The following RPSA2 variants were observed in gnomAD, a reference collection of about 807,000 sequenced individuals.
The protein encoded by RPSA2 is small ribosomal subunit protein uS2B.
At chr19:23,760,706 C>T in the RPSA2 span, among the ~76,000 whole-genome samples, 2 of 148,280 alleles carry the variant, frequency 1.3e-5, no homozygotes, top group East Asian at 3.9e-4. Context: ...GCTGTGTTGC[C>T]CAGGCTGGAG....
At chr19:23,844,407 G>C in the RPSA2 span, among the ~76,000 whole-genome samples, 148,889 of 152,218 alleles carry the variant, frequency 0.98, 72,910 homozygotes, top group Middle Eastern at 1. Flanking sequence ...ATACCCAATG[G>C]TGAAATTTCT....
the RPSA2 span, among the ~76,000 whole-genome samples, chr19:23,843,714 A>G: frequency 1.3e-5 from 2 of 152,084 alleles, no homozygotes; most frequent in Non-Finnish European, 2.9e-5. Flanking sequence ...CATCAATGAC[A>G]TGTTACTTGT....
the RPSA2 span, among the ~76,000 whole-genome samples, chr19:23,760,664 TA>T: frequency 0.058 from 4,709 of 81,864 alleles, 102 homozygotes; most frequent in Middle Eastern, 0.13. Context: ...TATATATATA[TA>T]TATATTTTTT....
the RPSA2 span, chr19:23,832,730 A>G: frequency 6.5e-7 from 1 of 1,543,994 alleles, no homozygotes; most frequent in Non-Finnish European, 8.8e-7. Flanking sequence ...AAATGTGAAG[A>G]ATATGAAAAA....
the RPSA2 span, among the ~76,000 whole-genome samples, chr19:23,812,339 G>A: frequency 7.0e-6 from 1 of 143,600 alleles, no homozygotes; most frequent in East Asian, 2.1e-4. Flanking sequence ...CCCAATTTTT[G>A]TTGTAGCTTA....
At chr19:23,766,179 G>T in the RPSA2 span, among the ~76,000 whole-genome samples, 5 of 104,110 alleles carry the variant, frequency 4.8e-5, no homozygotes, top group East Asian at 3.0e-4. Flanking sequence ...TTGAGATGGA[G>T]TCTCACTCTC....
chr19:23,859,932 C>A, the RPSA2 span, among the ~76,000 whole-genome samples: 7 of 152,164 alleles, frequency 4.6e-5, no homozygotes, highest in Non-Finnish European at 1.0e-4. Context: ...AAATATCTAA[C>A]TTTTCCATTA....
At chr19:23,810,332 T>G in the RPSA2 span, among the ~76,000 whole-genome samples, 1 of 136,574 alleles carries the variant, frequency 7.3e-6, no homozygotes, top group Non-Finnish European at 1.5e-5. Context: ...AGGCAGAGCT[T>G]GCAGTGAACC....
chr19:23,825,866 G>A, the RPSA2 span, among the ~76,000 whole-genome samples: 1 of 152,058 alleles, frequency 6.6e-6, no homozygotes, highest in Admixed American at 6.5e-5. Context: ...TGAGATTACA[G>A]GTGTGAGCCA....
chr19:23,760,450 G>A, the RPSA2 span, among the ~76,000 whole-genome samples: 2 of 151,974 alleles, frequency 1.3e-5, no homozygotes, highest in Non-Finnish European at 2.9e-5. Flanking sequence ...GAACGATGAT[G>A]TTGACCTCCT....
the RPSA2 span, among the ~76,000 whole-genome samples, chr19:23,853,066 C>T: frequency 6.6e-6 from 1 of 152,208 alleles, no homozygotes; most frequent in Non-Finnish European, 1.5e-5. Flanking sequence ...GTGAAAGCAT[C>T]TGTCCAATAT....
At chr19:23,869,117 C>A in the RPSA2 span, among the ~76,000 whole-genome samples, 3 of 152,196 alleles carry the variant, frequency 2.0e-5, no homozygotes, top group African/African-American at 4.8e-5. Context: ...GCAGTACAAC[C>A]TGTACTTTGG....
chr19:23,863,752 T>G, the RPSA2 span, among the ~76,000 whole-genome samples: 2 of 152,316 alleles, frequency 1.3e-5, no homozygotes, highest in East Asian at 1.9e-4. Context: ...AAATTCCATT[T>G]ACTGTAAAGA....
chr19:23,809,857 G>C, the RPSA2 span, among the ~76,000 whole-genome samples: 3 of 152,130 alleles, frequency 2.0e-5, no homozygotes, highest in South Asian at 6.2e-4. Flanking sequence ...TACTTTCAGT[G>C]CTATGTTAAA....
At chr19:23,859,296 A>G in the RPSA2 span, among the ~76,000 whole-genome samples, 1 of 152,164 alleles carries the variant, frequency 6.6e-6, no homozygotes, top group Non-Finnish European at 1.5e-5. Flanking sequence ...CCCTACACTT[A>G]CCATTTATGA....
chr19:23,783,221 G>T, the RPSA2 span, among the ~76,000 whole-genome samples: 1 of 151,854 alleles, frequency 6.6e-6, no homozygotes, highest in Non-Finnish European at 1.5e-5. Context: ...TCAGCCTTCT[G>T]AGTAGCTGGA....
the RPSA2 span, among the ~76,000 whole-genome samples, chr19:23,849,204 C>T: frequency 6.6e-6 from 1 of 152,188 alleles, no homozygotes; most frequent in East Asian, 1.9e-4. Context: ...TAGGAATAGT[C>T]AGATTGGAGG....
chr19:23,849,466 G>A, the RPSA2 span, among the ~76,000 whole-genome samples: 2 of 152,218 alleles, frequency 1.3e-5, no homozygotes, highest in Non-Finnish European at 2.9e-5. Flanking sequence ...GCGAGGGGCA[G>A]CAGTGGTGAC....
the RPSA2 span, among the ~76,000 whole-genome samples, chr19:23,851,405 A>G: frequency 6.6e-6 from 1 of 152,148 alleles, no homozygotes; most frequent in African/African-American, 2.4e-5. Context: ...CCAAAAGTCT[A>G]CCTTTTGGTT....
Sources: allele counts gnomAD v4.1 joint callset (sites outside exome capture counted in the v4.1 genomes callset), GRCh38; gene constraint gnomAD v4.1.1; transcripts MANE v1.5; gene names NCBI Gene and HGNC (gene_info 2026-07-23, HGNC 2026-07-21).